The following MTR variants were observed in gnomAD, a reference collection of about 807,000 sequenced individuals.
MTR encodes the protein methionine synthase.
MTR carries 84 observed loss-of-function variants against 154.8 expected under a neutral mutation model. The ratio of observed to expected loss-of-function variants is 0.54; its 90% confidence interval spans 0.45 to 0.65. The LOEUF (loss-of-function observed/expected upper bound fraction) is 0.65. MTR is among the 30% of genes least tolerant of loss of function. The pLI is 0.00. For missense variants in MTR, 1,275 were observed against 1,570.2 expected, an observed-to-expected ratio of 0.81 and a Z score of 3.18; for synonymous variants, 554 against 553.9, an observed-to-expected ratio of 1.00 and a Z score of 0.00.
In MTR at chr1:236,864,838, CA is replaced by C. The variant is rs556666871; in HGVS notation, c.2405+1288del. 1.4e-3 allele frequency among the ~76,000 whole-genome samples: 206 copies of C among 152,236 alleles called. 4 individuals are homozygous for C. In the Middle Eastern group the frequency reaches 0.02, roughly 15 times the overall value. On this transcript the variant is annotated intron_variant, in intron 22 of 32. Transcript: ENST00000366577. ...TTACCAGGCATTATACTAGAGACAC[CA>C]AAATGATTTAGTTGACTTTTCTCCT...
intron 23 of MTR, among the ~76,000 whole-genome samples, chr1:236,874,074 C>G (rs1200301454): frequency 6.6e-6 from 1 of 152,086 alleles, no homozygotes; most frequent in Non-Finnish European, 1.5e-5. Context: ...GGACAGACTT[C>G]TTAGAACAGT....
chr1:236,837,566 T>C (rs1160572311), intron 14 of MTR, among the ~76,000 whole-genome samples: 1 of 152,232 alleles, frequency 6.6e-6, no homozygotes, highest in East Asian at 1.9e-4. Flanking sequence ...GGGCCTAATA[T>C]GGTAGTCACT....
rs539975039 is a variant in MTR at position 236,804,938 on chromosome 1, T to C, written c.250-1206T>C. Among the ~76,000 whole-genome samples the C allele has an allele frequency of 3.9e-5, 6 of 152,324 alleles. No homozygotes were observed. In the South Asian group the frequency reaches 8.3e-4, roughly 21 times the overall value. The stretch of plus-strand genomic sequence containing the variant: ...TTTTTTTTTTTACTTAACAATACTT[T>C]GCAGAATCTTTCCATGTCAGTATTT... On this transcript the variant is annotated intron_variant, in intron 2 of 32. Coordinates refer to ENST00000366577, the MANE Select transcript of MTR (RefSeq NM_000254.3).
rs1180844549 is a variant in MTR at position 236,795,556 on chromosome 1, C to T, written c.-148C>T. 1.9e-6 allele frequency: 3 copies of T among 1,546,312 alleles called. No homozygotes were observed. The highest frequency in any genetic ancestry group is 1.9e-5 in the Admixed American group (1 of 52,434). Reference sequence around the variant, plus strand: ...GCTTTCGGGGTCCGCAGTCCCCCCGCGACGCGAGCCAACGGGAGGCGTCAA... The same window carrying T: ...GCTTTCGGGGTCCGCAGTCCCCCCGTGACGCGAGCCAACGGGAGGCGTCAA... On this transcript the variant is annotated 5_prime_UTR_variant, in exon 1 of 33. Transcript: ENST00000366577.
chr1:236,886,224 G>A (rs1666002226), intron 26 of MTR, 68 bp from the exon 27 acceptor site: 1 of 1,304,254 alleles, frequency 7.7e-7, no homozygotes, highest in South Asian at 1.2e-5. Context: ...GGCCTTCTTG[G>A]ACATGTTTTC....
chr1:236,810,384 G>C (rs528780536), intron 4 of MTR, 119 bp from the exon 5 acceptor site: 2 of 865,342 alleles, frequency 2.3e-6, no homozygotes, highest in Non-Finnish European at 3.9e-6. Context: ...TTGGATTTCA[G>C]AGTTGTGGAC....
intron 13 of MTR, among the ~76,000 whole-genome samples, chr1:236,832,750 T>TAGGAGA (rs980675269): frequency 5.9e-5 from 9 of 152,206 alleles, no homozygotes; most frequent in Admixed American, 1.3e-4. Context: ...TTGCAACCTT[T>TAGGAGA]AGGAGATCTT....
In MTR at chr1:236,798,724, G is replaced by A. The variant is rs143083060; in HGVS notation, c.34+2987G>A. Among the ~76,000 whole-genome samples, 400 of 152,310 alleles carry A rather than the reference G, an allele frequency of 2.6e-3. 5 individuals carry two copies. The highest frequency in any genetic ancestry group is 9.0e-3 in the African/African-American group (373 of 41,572). On this transcript the variant is annotated intron_variant, in intron 1 of 32. Transcript: ENST00000366577. ...ATTTACTGTGAAAGATAATCAGAAA[G>A]AATCTGCTTTATTTAGAACTTGACT...
chr1:236,807,494 C>T (rs968961710), intron 3 of MTR, among the ~76,000 whole-genome samples: 2 of 152,094 alleles, frequency 1.3e-5, no homozygotes, highest in Non-Finnish European at 2.9e-5. Flanking sequence ...TTTTACATTC[C>T]CACTAACAGT....
At chr1:236,860,922 T>G (rs60585823) in intron 19 of MTR, among the ~76,000 whole-genome samples, 139 of 152,266 alleles carry the variant, frequency 9.1e-4, no homozygotes, top group African/African-American at 3.3e-3. Flanking sequence ...GAGATACTAT[T>G]GTAATATTCT....
chr1:236,859,989 G>T, intron 19 of MTR, 67 bp downstream of exon 19: 1 of 1,396,086 alleles, frequency 7.2e-7, no homozygotes, highest in Non-Finnish European at 1.0e-6. Context: ...TGTTGTGGGC[G>T]GTGTGACAGT....
chr1:236,825,603 T>A (rs759617575), intron 10 of MTR, among the ~76,000 whole-genome samples: 1 of 152,202 alleles, frequency 6.6e-6, no homozygotes, highest in Non-Finnish European at 1.5e-5. Context: ...CACTAGTGGC[T>A]GCTGGAAAAT....
rs1051740907 is a variant in MTR, at chr1:236,902,957, C to T, written c.*5313C>T. Reference sequence around the variant, plus strand: ...TTCGGTGTGTGTATAAGGAAATATACACCAGTATATGCATTAAAACGTCAA... The same window carrying T: ...TTCGGTGTGTGTATAAGGAAATATATACCAGTATATGCATTAAAACGTCAA... On this transcript the variant is annotated 3_prime_UTR_variant, in exon 33 of 33. Transcript: ENST00000366577. The T allele has an allele frequency of 7.2e-5, 11 of 152,098 alleles. No homozygotes were observed. Among genetic ancestry groups the T allele is most frequent in the Admixed American group, 2.0e-4 (3 of 15,274 alleles). 9.4% of individuals were successfully genotyped at this position (152,098 alleles called of 1,614,324 possible). A position where few individuals can be genotyped will look rare whatever the true frequency, so the allele number is the denominator to read the frequency against.
intron 4 of MTR, 133 bp from the exon 5 acceptor site, chr1:236,810,370 C>G (rs950710500): frequency 2.8e-5 from 22 of 791,596 alleles, no homozygotes; most frequent in Non-Finnish European, 4.6e-5. Context: ...GCTTTTAGAG[C>G]TTTTTGGATT....
chr1:236,857,310 T>G (rs961021009), intron 18 of MTR, among the ~76,000 whole-genome samples: 3 of 152,230 alleles, frequency 2.0e-5, no homozygotes, highest in Non-Finnish European at 4.4e-5. Context: ...ACCTTTATAT[T>G]TGTCCTTTCC....
intron 15 of MTR, among the ~76,000 whole-genome samples, chr1:236,842,799 T>TATAA (rs958505121): frequency 5.3e-5 from 8 of 149,850 alleles, no homozygotes; most frequent in African/African-American, 2.0e-4. Context: ...TATATATATA[T>TATAA]AATTGGCCAG....
rs1198921722 is a variant in MTR, at chr1:236,810,592, A to T, written c.499A>T (p.Ile167Phe). 3 of 1,611,128 alleles carry T rather than the reference A, an allele frequency of 1.9e-6. No homozygotes were observed. Among genetic ancestry groups the T allele is most frequent in the Admixed American group, 1.7e-5 (1 of 59,976 alleles). Residue 167 changes from isoleucine to phenylalanine, a missense_variant, in exon 5 of 33, where the codon ATC becomes TTC. Transcript: ENST00000366577. ...TGTGGAAAGGCCGGATTATAGGAACATCAGTGAGTATTTACCACATATAAT... is the reference window on the plus strand; with the variant it reads ...TGTGGAAAGGCCGGATTATAGGAACTTCAGTGAGTATTTACCACATATAAT... ...PSVERPDYRN[I>F]TFDELVEAYQ... is the part of the protein sequence containing the mutation.
intron 28 of MTR, 74 bp downstream of exon 28, chr1:236,889,410 G>A (rs1666196060): frequency 5.0e-6 from 8 of 1,588,212 alleles, no homozygotes; most frequent in South Asian, 4.4e-5. Context: ...GACCGGAATC[G>A]GTGAGGAGCA....
At chr1:236,870,609 G>A (rs960889592) in intron 22 of MTR, among the ~76,000 whole-genome samples, 39 of 152,218 alleles carry the variant, frequency 2.6e-4, no homozygotes, top group Middle Eastern at 3.4e-3. Context: ...GGCTGAAGTC[G>A]TCTCATTCGT....
Sources: gnomAD v4.1 joint callset for allele counts (sites outside exome capture counted in the v4.1 genomes callset) on GRCh38, gnomAD v4.1.1 for gene constraint, MANE v1.5 for transcripts, NCBI Gene and HGNC (gene_info 2026-07-23, HGNC 2026-07-21) for gene names.